The following YTHDC2 variants were observed in gnomAD, a reference collection of about 807,000 sequenced individuals.
YTHDC2 encodes the protein 3'-5' RNA helicase YTHDC2.
Under a neutral mutation model 174.9 loss-of-function variants are expected in YTHDC2, and 45 were observed. That is an observed-to-expected ratio of 0.26 (90% CI 0.20 to 0.33). The LOEUF (loss-of-function observed/expected upper bound fraction) is 0.33, where lower values mean the gene tolerates loss of function less well. Among genes scored for constraint, YTHDC2 ranks in the 10% least tolerant of loss-of-function variants. The pLI, the probability that YTHDC2 is intolerant of heterozygous loss-of-function variation, is 1.00. For synonymous variants in YTHDC2, 657 were observed against 574.5 expected, an observed-to-expected ratio of 1.14 and a Z score of -2.05; for missense variants, 1,650 against 1,723.7, an observed-to-expected ratio of 0.96 and a Z score of 0.76.
chr5:113,517,000 A>G (rs1392472911), intron 2 of YTHDC2, among the ~76,000 whole-genome samples: 1 of 152,194 alleles, frequency 6.6e-6, no homozygotes. Flanking sequence ...GAAAATAAAA[A>G]TATAGTTCAG....
intron 26 of YTHDC2, among the ~76,000 whole-genome samples, chr5:113,588,407 C>T (rs1030065531): frequency 2.0e-5 from 3 of 151,790 alleles, no homozygotes; most frequent in African/African-American, 7.3e-5. Context: ...AATGAGGGAT[C>T]TTTGTTCATG....
At chr5:113,534,601 A>G (rs1300502082) in intron 6 of YTHDC2, among the ~76,000 whole-genome samples, 194 bp downstream of exon 6, 1 of 152,188 alleles carries the variant, frequency 6.6e-6, no homozygotes, top group South Asian at 2.1e-4. Flanking sequence ...TATTAGAAAT[A>G]TTTTGTATTA....
chr5:113,520,289 GGA>G (rs201843058), intron 2 of YTHDC2, among the ~76,000 whole-genome samples: 4,820 of 152,048 alleles, frequency 0.032, 105 homozygotes, highest in East Asian at 0.089. Context: ...AGTTTTTCCT[GGA>G]GAATCAAAGA....
At chr5:113,573,741 T>C (rs1173482335) in intron 23 of YTHDC2, among the ~76,000 whole-genome samples, 2 of 152,208 alleles carry the variant, frequency 1.3e-5, no homozygotes, top group East Asian at 3.9e-4. Flanking sequence ...TGAGATTCTA[T>C]TCTCTGCTTG....
Position 113,532,989 on chromosome 5 carries a change from A to C in YTHDC2, c.786A>C (p.Ala262=). The change falls in exon 5 of 30, where the codon GCA becomes GCC. Residue 262 remains alanine, a synonymous_variant. Coordinates refer to ENST00000161863, the MANE Select transcript of YTHDC2 (RefSeq NM_022828.5). ...AAIAVAERVA[A]ERRERIGQTI... ...TCGCTGTGGCTGAAAGAGTTGCCGC[A>C]GAGAGACGGGAAAGGATTGGTCAAA... The C allele has an allele frequency of 6.2e-7, 1 of 1,614,200 alleles. No homozygotes were observed. The highest frequency in any genetic ancestry group is 1.6e-4 in the Middle Eastern group (1 of 6,062).
intron 2 of YTHDC2, among the ~76,000 whole-genome samples, chr5:113,522,834 G>A (rs979180417): frequency 1.3e-5 from 2 of 152,088 alleles, no homozygotes; most frequent in African/African-American, 2.4e-5. Flanking sequence ...GGAATAATCA[G>A]TAAAAGCACA....
Position 113,581,612 on chromosome 5 carries a change from T to G in YTHDC2, c.3550T>G (p.Ser1184Ala). Reference sequence around the variant, plus strand: ...TGGCCAAAGGCCAAGGCCTATGTCTTCAGAAGAGCTTCCTTTGGCCTCATC... The same window carrying G: ...TGGCCAAAGGCCAAGGCCTATGTCTGCAGAAGAGCTTCCTTTGGCCTCATC... ...GIGQRPRPMS[S>A]EELPLASSWR... is the part of the protein sequence containing the mutation. The change falls in exon 25 of 30, where the codon TCA (serine) becomes GCA (alanine). Residue 1184 changes from serine (S) to alanine (A), a missense_variant. By Grantham distance (99) the Ser-to-Ala change is moderately conservative. Around this residue, in one of 5 missense-constraint regions of YTHDC2, gnomAD observed 913 missense variants for 940.4 expected, o/e 0.97. Transcript: ENST00000161863. The G allele has an allele frequency of 1.2e-6, 2 of 1,613,954 alleles. No individual in the cohort carries two copies. The highest frequency in any genetic ancestry group is 1.7e-6 in the Non-Finnish European group (2 of 1,179,920).
chr5:113,571,102 T>TA (rs1777685557), intron 23 of YTHDC2, among the ~76,000 whole-genome samples: 1 of 152,250 alleles, frequency 6.6e-6, no homozygotes, highest in African/African-American at 2.4e-5. Context: ...TTCAGTATGA[T>TA]ACTGGCTGTG....
At position 113,561,082 on chromosome 5, in the gene YTHDC2, C is replaced by T. The variant is rs1392623902; in HGVS notation, c.2219C>T (p.Ala740Val). Residue 740 changes from alanine to valine, a missense_variant and splice_region_variant, in exon 18 of 30, where the codon GCA becomes GTA. Ala to Val is a moderately conservative substitution (Grantham distance 64). This residue lies in a region of YTHDC2 where 913 missense variants were observed against 940.4 expected (regional missense o/e 0.97). Coordinates refer to ENST00000161863, the MANE Select transcript of YTHDC2 (RefSeq NM_022828.5). Reference sequence around the variant, plus strand: ...TAATCTTGTACTTTATTTTTAAGGGCAGGGCGATGTAGACCTGGAATTTGT... The same window carrying T: ...TAATCTTGTACTTTATTTTTAAGGGTAGGGCGATGTAGACCTGGAATTTGT... ...KASAIQRKGRAGRCRPGICFR... is the reference protein window; with the variant it reads ...KASAIQRKGRVGRCRPGICFR... 6.2e-7 allele frequency: 1 copy of T among 1,601,736 alleles called. No individual in the cohort carries two copies. Among genetic ancestry groups the T allele is most frequent in the Non-Finnish European group, 8.5e-7 (1 of 1,173,246 alleles).
rs141178760 is a variant in YTHDC2 at position 113,534,359 on chromosome 5, A to G, written c.897A>G (p.Thr299=). ...TFCTNGVLLR[T]LMAGDSTLST... ...GTACTAATGGGGTATTGCTTCGTACATTGATGGCAGGAGATAGTACGTTGT... is the reference window on the plus strand; with the variant it reads ...GTACTAATGGGGTATTGCTTCGTACGTTGATGGCAGGAGATAGTACGTTGT... Residue 299 remains threonine, a synonymous_variant, in exon 6 of 30, where the codon ACA becomes ACG. Transcript: ENST00000161863. 123 of 1,613,158 alleles carry G rather than the reference A, an allele frequency of 7.6e-5. No individual in the cohort carries two copies. The African/African-American group carries it at 1.4e-3, about 18-fold the overall frequency.
chr5:113,540,534 G>A (rs574903320), intron 8 of YTHDC2, among the ~76,000 whole-genome samples: 1 of 152,246 alleles, frequency 6.6e-6, no homozygotes, highest in African/African-American at 2.4e-5. Flanking sequence ...GAAGGCAAAG[G>A]GGAAGCAAGG....
In YTHDC2 at chr5:113,515,273, A is replaced by G; in HGVS notation, c.189A>G (p.Glu63=). The change falls in exon 2 of 30, where the codon GAA becomes GAG. Residue 63 remains glutamate, a splice_region_variant and synonymous_variant. Coordinates refer to ENST00000161863, the MANE Select transcript of YTHDC2 (RefSeq NM_022828.5). ...CTACTTTGTTTTTTTTCCGTGTAGA[A>G]ATGGAATTTCCTTCTTCTTTGACCA... ...LERFRYGDQR[E]MEFPSSLTST... 6.2e-7 allele frequency: 1 copy of G among 1,602,800 alleles called. No individual in the cohort carries two copies. Among genetic ancestry groups the G allele is most frequent in the Non-Finnish European group, 8.5e-7 (1 of 1,176,812 alleles).
At chr5:113,519,114 C>G (rs1773688240) in intron 2 of YTHDC2, among the ~76,000 whole-genome samples, 1 of 152,008 alleles carries the variant, frequency 6.6e-6, no homozygotes, top group Non-Finnish European at 1.5e-5. Context: ...CTCAAGTGAT[C>G]CTCCTGCCTA....
intron 8 of YTHDC2, 46 bp from the exon 9 acceptor site, chr5:113,540,922 A>G: frequency 1.2e-5 from 19 of 1,556,622 alleles, no homozygotes; most frequent in Non-Finnish European, 1.7e-5. Flanking sequence ...ACATTTCAAA[A>G]AGGAAATGAT....
Position 113,579,605 on chromosome 5 carries a change from C to T in YTHDC2, c.3264C>T (p.Asp1088=), listed in dbSNP as rs752653077. Residue 1088 remains aspartate (D), a synonymous_variant, in exon 24 of 30, where the codon GAC becomes GAT. Transcript: ENST00000161863. Reference sequence around the variant, plus strand: ...GGACAGTGGATGGCATTCCCAATGACAGTAGTGATAGTGAAATGGAGGACA... The same window carrying T: ...GGACAGTGGATGGCATTCCCAATGATAGTAGTGATAGTGAAATGGAGGACA... ...SSFRVDGIPN[D]SSDSEMEDKT... 4 of 1,608,172 alleles carry T rather than the reference C, an allele frequency of 2.5e-6. No homozygotes were observed. Among genetic ancestry groups the T allele is most frequent in the African/African-American group, 1.3e-5 (1 of 74,580 alleles).
chr5:113,549,114 TA>T (rs1427812974), intron 12 of YTHDC2, 94 bp downstream of exon 12: 1 of 1,057,544 alleles, frequency 9.5e-7, no homozygotes, highest in African/African-American at 1.7e-5. Context: ...AGACCATTTA[TA>T]GTCTTTTATC....
chr5:113,577,025 A>G (rs1778100556), intron 23 of YTHDC2, among the ~76,000 whole-genome samples: 1 of 152,120 alleles, frequency 6.6e-6, no homozygotes, highest in South Asian at 2.1e-4. Flanking sequence ...TAAAACAAAG[A>G]TCTAAGTTTT....
intron 24 of YTHDC2, chr5:113,580,036 G>C: frequency 1.7e-6 from 1 of 591,628 alleles, no homozygotes; most frequent in Non-Finnish European, 2.1e-6. Flanking sequence ...GAGGGCTGCT[G>C]GACCCTGCCT....
intron 23 of YTHDC2, 67 bp from the exon 24 acceptor site, chr5:113,579,519 C>A: frequency 1.7e-6 from 2 of 1,199,010 alleles, no homozygotes; most frequent in Admixed American, 2.3e-5. Context: ...CGTATTTATT[C>A]TTCTTAGTTT....
Sources: gnomAD v4.1 joint callset for allele counts (sites outside exome capture counted in the v4.1 genomes callset) on GRCh38, gnomAD v4.1.1 for gene constraint, gnomAD v4.1.1 regional missense constraint, MANE v1.5 for transcripts, NCBI Gene and HGNC (gene_info 2026-07-23, HGNC 2026-07-21) for gene names.